SPAG16: variants seen among roughly 807,000 people sequenced by gnomAD.
SPAG16 encodes the protein sperm associated antigen 16, also known as sperm-associated antigen 16 protein.
In SPAG16, 86 loss-of-function variants were observed where a neutral mutation model predicts 80.4. The observed-to-expected ratio is 1.07, with a 90% CI of 0.90 to 1.28. SPAG16 has a LOEUF of 1.28. Among genes scored for constraint, SPAG16 ranks in the 50% most tolerant of loss-of-function variants. The pLI, the probability that SPAG16 is intolerant of heterozygous loss-of-function variation, is 0.00. For missense variants in SPAG16, 870 were observed against 765.3 expected, an observed-to-expected ratio of 1.14 and a Z score of -1.61; for synonymous variants, 294 against 265.9, an observed-to-expected ratio of 1.11 and a Z score of -1.03.
intron 9 of SPAG16, among the ~76,000 whole-genome samples, chr2:213,427,322 G>A (rs746366955): frequency 2.0e-5 from 3 of 152,106 alleles, no homozygotes; most frequent in African/African-American, 4.8e-5. Flanking sequence ...AAAACTTTTA[G>A]CATCTTTCTT....
intron 11 of SPAG16, among the ~76,000 whole-genome samples, chr2:213,897,616 A>G (rs1559927): frequency 0.59 from 89,374 of 151,558 alleles, 28,129 homozygotes; most frequent in South Asian, 0.84. Flanking sequence ...ATCTGCCTAT[A>G]TTGGTCTCAG....
At chr2:213,980,978 T>G (rs537243622) in intron 12 of SPAG16, among the ~76,000 whole-genome samples, 9 of 152,036 alleles carry the variant, frequency 5.9e-5, no homozygotes, top group African/African-American at 1.9e-4. Context: ...TTAGACTGTT[T>G]AGGTTGTCAT....
chr2:213,834,901 C>A (rs2073990583), intron 10 of SPAG16, among the ~76,000 whole-genome samples: 1 of 152,126 alleles, frequency 6.6e-6, no homozygotes, highest in South Asian at 2.1e-4. Flanking sequence ...TCATCTGTTT[C>A]TATTCTTGTG....
intron 12 of SPAG16, among the ~76,000 whole-genome samples, chr2:213,996,898 C>A (rs990032238): frequency 3.9e-5 from 6 of 152,002 alleles, no homozygotes; most frequent in African/African-American, 1.4e-4. Flanking sequence ...AACTAATTGC[C>A]CTTTCTAGGT....
At chr2:213,973,889 G>A (rs1559645706) in intron 12 of SPAG16, among the ~76,000 whole-genome samples, 3 of 152,046 alleles carry the variant, frequency 2.0e-5, no homozygotes, top group African/African-American at 7.2e-5. Context: ...ACAAAGTACT[G>A]TAGGACGTAT....
intron 10 of SPAG16, among the ~76,000 whole-genome samples, chr2:213,593,856 G>C (rs1165709168): frequency 8.0e-6 from 1 of 125,478 alleles, no homozygotes. Context: ...CTCACTGCAA[G>C]CTCCGCCTCC....
At chr2:214,214,259 T>A (rs976147873) in intron 15 of SPAG16, among the ~76,000 whole-genome samples, 2 of 147,360 alleles carry the variant, frequency 1.4e-5, no homozygotes, top group African/African-American at 5.0e-5. Context: ...AACCTCCACC[T>A]CCCAGGTTCA....
At chr2:213,611,143 A>G (rs990010882) in intron 10 of SPAG16, among the ~76,000 whole-genome samples, 9 of 152,270 alleles carry the variant, frequency 5.9e-5, no homozygotes, top group African/African-American at 2.2e-4. Context: ...GGTTGGGGGT[A>G]GTCATGCTGT....
intron 10 of SPAG16, among the ~76,000 whole-genome samples, chr2:213,692,731 A>AC (rs990601401): frequency 5.9e-5 from 9 of 151,272 alleles, no homozygotes; most frequent in Non-Finnish European, 1.0e-4. Flanking sequence ...AATGCCGTGA[A>AC]CCCGGGAGGC....
In SPAG16 at chr2:213,810,995, G is replaced by T. The variant is rs553063051; in HGVS notation, c.1071-51490G>T. On this transcript the variant is annotated intron_variant, in intron 10 of 15. Transcript: ENST00000331683. ...TTTGATCCTTCTTCTGGGTTGTGTG[G>T]AATGTGGAAAACAAGGGTGTAGTAG... Among the ~76,000 whole-genome samples the T allele has an allele frequency of 4.6e-5, 7 of 152,290 alleles. No homozygotes were observed. In the East Asian group the frequency reaches 1.4e-3, roughly 29 times the overall value.
chr2:213,843,737 G>A (rs888417755), intron 10 of SPAG16, among the ~76,000 whole-genome samples: 5 of 152,072 alleles, frequency 3.3e-5, no homozygotes, highest in African/African-American at 1.2e-4. Flanking sequence ...TGTAGTTCCA[G>A]CTACTTGGGA....
chr2:214,322,822 G>A (rs571132088), intron 15 of SPAG16, among the ~76,000 whole-genome samples: 82 of 152,084 alleles, frequency 5.4e-4, no homozygotes, highest in Admixed American at 5.2e-3. Flanking sequence ...TTACAATCAC[G>A]CTGGGAAGCA....
At chr2:214,328,200 G>A (rs528842022) in intron 15 of SPAG16, among the ~76,000 whole-genome samples, 18 of 151,108 alleles carry the variant, frequency 1.2e-4, no homozygotes, top group Non-Finnish European at 2.4e-4. Context: ...CTGTCGCCTA[G>A]GCTGGAATGC....
At chr2:213,545,149 T>A (rs2076572722) in intron 10 of SPAG16, among the ~76,000 whole-genome samples, 1 of 152,104 alleles carries the variant, frequency 6.6e-6, no homozygotes, top group Non-Finnish European at 1.5e-5. Flanking sequence ...CATTTTGTGG[T>A]TTATGGTCAT....
intron 1 of SPAG16, 167 bp from the exon 2 acceptor site, chr2:213,295,897 T>G (rs1559380403): frequency 2.1e-6 from 1 of 473,128 alleles, no homozygotes; most frequent in African/African-American, 2.0e-5. Flanking sequence ...ATATCTAGAT[T>G]TATAGGCTAT....
intron 14 of SPAG16, among the ~76,000 whole-genome samples, chr2:214,121,132 A>G (rs1409220730): frequency 6.6e-6 from 1 of 151,858 alleles, no homozygotes; most frequent in Non-Finnish European, 1.5e-5. Flanking sequence ...TAAGAAAAGG[A>G]TATTTCCAAT....
chr2:213,940,609 A>G (rs1021800314), intron 12 of SPAG16, among the ~76,000 whole-genome samples: 3 of 152,124 alleles, frequency 2.0e-5, no homozygotes, highest in Non-Finnish European at 4.4e-5. Context: ...AATCAAATGC[A>G]CTTTTTAGAA....
intron 10 of SPAG16, among the ~76,000 whole-genome samples, chr2:213,724,726 G>A (rs1188595488): frequency 8.4e-6 from 1 of 119,334 alleles, no homozygotes; most frequent in African/African-American, 3.2e-5. Context: ...GCAGTGAGCC[G>A]AAAAAGCACC....
At chr2:214,337,385 C>T (rs530085943) in intron 15 of SPAG16, among the ~76,000 whole-genome samples, 20 of 152,296 alleles carry the variant, frequency 1.3e-4, no homozygotes, top group African/African-American at 4.8e-4. Flanking sequence ...AAAAAATTGA[C>T]TTTGAAGATC....
Sources: gnomAD v4.1 joint callset for allele counts (sites outside exome capture counted in the v4.1 genomes callset) on GRCh38, gnomAD v4.1.1 for gene constraint, MANE v1.5 for transcripts, NCBI Gene and HGNC (gene_info 2026-07-23, HGNC 2026-07-21) for gene names.